Variants in EHBP1 observed in about 807,000 individuals in gnomAD.
The protein encoded by EHBP1 is EH domain binding protein 1.
EHBP1 carries 55 observed loss-of-function variants against 144.0 expected under a neutral mutation model. The ratio of observed to expected loss-of-function variants is 0.38; its 90% CI spans 0.31 to 0.48. EHBP1 has a LOEUF of 0.48. EHBP1 is among the 20% of genes least tolerant of loss of function. The pLI is 0.98. For synonymous variants in EHBP1, 469 were observed against 472.7 expected (o/e 0.99, Z 0.10); for missense variants, 1,200 against 1,364.2 (o/e 0.88, Z 1.90).
chr2:62,965,465 C>G (rs2153152913), intron 14 of EHBP1, among the ~76,000 whole-genome samples: 1 of 152,160 alleles, frequency 6.6e-6, no homozygotes, highest in South Asian at 2.1e-4. Flanking sequence ...TGTGGCTTTC[C>G]TTTTTGTCAC....
intron 7 of EHBP1, among the ~76,000 whole-genome samples, chr2:62,850,037 T>C (rs1041403503): frequency 1.3e-5 from 2 of 152,088 alleles, no homozygotes; most frequent in East Asian, 3.9e-4. Flanking sequence ...GAAGAGTAAT[T>C]ATTATTAAAA....
intron 9 of EHBP1, among the ~76,000 whole-genome samples, chr2:62,866,798 T>C (rs2050079484): frequency 6.6e-6 from 1 of 152,090 alleles, no homozygotes; most frequent in South Asian, 2.1e-4. Flanking sequence ...ACAGAAAAAG[T>C]ATTTGAAGAA....
chr2:63,010,676 A>C (rs2060227115), intron 19 of EHBP1, among the ~76,000 whole-genome samples: 1 of 151,748 alleles, frequency 6.6e-6, no homozygotes, highest in Non-Finnish European at 1.5e-5. Context: ...TTGTGAAAAT[A>C]GAGTAAGTTT....
chr2:63,034,493 G>T (rs1574563976), intron 19 of EHBP1, among the ~76,000 whole-genome samples: 1 of 152,094 alleles, frequency 6.6e-6, no homozygotes, highest in Non-Finnish European at 1.5e-5. Flanking sequence ...AACGATTTAT[G>T]GCCATTTTAT....
Position 63,026,090 on chromosome 2 carries a change from A to G in EHBP1, c.3104-11445A>G, listed in dbSNP as rs191950908. The stretch of plus-strand genomic sequence containing the variant: ...ATGAATACATAAAGACATTAGAAAT[A>G]TACTCAATGAAACTAACAACTTCAG... On this transcript the variant is annotated intron_variant, in intron 19 of 22. Coordinates refer to ENST00000431489, the MANE Select transcript of EHBP1 (RefSeq NM_001142616.3). Among the ~76,000 whole-genome samples the G allele has an allele frequency of 3.3e-5, 5 of 152,340 alleles. No individual in the cohort carries two copies. The East Asian group carries it at 9.6e-4, about 29-fold the overall frequency.
At chr2:62,918,845 G>A (rs970060331) in intron 10 of EHBP1, among the ~76,000 whole-genome samples, 3 of 152,082 alleles carry the variant, frequency 2.0e-5, no homozygotes, top group African/African-American at 4.8e-5. Flanking sequence ...AGAAAATAAC[G>A]GGGTAGCAAG....
At chr2:62,830,153 G>GAC (rs368948717) in intron 6 of EHBP1, among the ~76,000 whole-genome samples, 11,937 of 131,928 alleles carry the variant, frequency 0.09, 646 homozygotes, top group East Asian at 0.17. Context: ...TATATATATA[G>GAC]ACACACACAC....
intron 13 of EHBP1, among the ~76,000 whole-genome samples, chr2:62,954,084 A>G (rs2057555225): frequency 6.6e-6 from 1 of 152,166 alleles, no homozygotes; most frequent in Non-Finnish European, 1.5e-5. Flanking sequence ...GTCTATTTCT[A>G]TCCTTATTTT....
intron 18 of EHBP1, among the ~76,000 whole-genome samples, chr2:62,995,535 A>G (rs17474188): frequency 0.014 from 2,128 of 152,198 alleles, 31 homozygotes; most frequent in Non-Finnish European, 0.02. Flanking sequence ...ATAATTCTTT[A>G]TAGCTTCTAA....
chr2:62,978,404 T>C (rs1198809844), intron 14 of EHBP1, among the ~76,000 whole-genome samples: 1 of 152,104 alleles, frequency 6.6e-6, no homozygotes, highest in Non-Finnish European at 1.5e-5. Context: ...GGTTTCACCA[T>C]GTTGGCCAGG....
chr2:63,009,989 TC>T (rs1479692198), intron 19 of EHBP1, among the ~76,000 whole-genome samples: 5 of 151,214 alleles, frequency 3.3e-5, no homozygotes, highest in African/African-American at 1.2e-4. Context: ...TATGTTCCCC[TC>T]CCCCCAAAAT....
At position 62,964,522 on chromosome 2, in the gene EHBP1, G is replaced by T. The variant is rs114473951; in HGVS notation, c.2460+8862G>T. ...TTCTTATCATATTCTGCTTTCCCAA[G>T]GATATATGCCTTGAACGAAAAGTCA... On this transcript the variant is annotated intron_variant, in intron 14 of 22. Transcript: ENST00000431489. Among the ~76,000 whole-genome samples the T allele has an allele frequency of 8.1e-4, 123 of 152,188 alleles. 1 individual carries two copies. Among genetic ancestry groups the T allele is most frequent in the African/African-American group, 2.8e-3 (117 of 41,526 alleles).
intron 5 of EHBP1, among the ~76,000 whole-genome samples, chr2:62,809,256 A>AC (rs1414198126): frequency 1.4e-5 from 2 of 143,694 alleles, no homozygotes; most frequent in Non-Finnish European, 3.0e-5. Context: ...GCGCCATTGC[A>AC]CTCCAGCCTG....
chr2:62,864,935 C>G lies in EHBP1; in HGVS notation c.962C>G (p.Ala321Gly). The change falls in exon 9 of 23, where the codon GCT becomes GGT. Residue 321 changes from alanine (A) to glycine (G), a missense_variant. Ala to Gly is a moderately conservative substitution (Grantham distance 60). Coordinates refer to ENST00000431489, the MANE Select transcript of EHBP1 (RefSeq NM_001142616.3). ...RPVDMSKYLY[A>G]DSSKTEEEEL... ...GTGGATATGAGCAAGTACCTCTATGCTGATAGTTCTAAAACTGAAGAAGAA... is the reference window on the plus strand; with the variant it reads ...GTGGATATGAGCAAGTACCTCTATGGTGATAGTTCTAAAACTGAAGAAGAA... 6.2e-7 allele frequency: 1 copy of G among 1,613,604 alleles called. No homozygotes were observed. The highest frequency in any genetic ancestry group is 8.5e-7 in the Non-Finnish European group (1 of 1,179,866).
chr2:63,021,265 G>C (rs1405979782), intron 19 of EHBP1, among the ~76,000 whole-genome samples: 1 of 151,862 alleles, frequency 6.6e-6, no homozygotes, highest in African/African-American at 2.4e-5. Context: ...CCCCAGAAAA[G>C]CCAAAAGTAC....
In EHBP1 at chr2:62,993,537, CAGA is replaced by C; in HGVS notation, c.2745_2747del (p.Glu915del). 1 of 1,584,878 alleles carries C rather than the reference CAGA, an allele frequency of 6.3e-7. No homozygotes were observed. On this transcript the variant is annotated inframe_deletion, in exon 17 of 23. Transcript: ENST00000431489. ...GTGTTGTTTTACGTTTAGAGTGGCACAGAAGATCTCCGGACTGAACGATTACAA... is the reference window on the plus strand; with the variant it reads ...GTGTTGTTTTACGTTTAGAGTGGCACAGATCTCCGGACTGAACGATTACAA...
intron 19 of EHBP1, among the ~76,000 whole-genome samples, chr2:63,026,294 TTGTGTGTGTGTGTGTGTGTGTG>T (rs60109170): frequency 2.3e-5 from 3 of 129,100 alleles, no homozygotes; most frequent in Admixed American, 1.6e-4. Context: ...GCTCTCTACC[TTGTGTGTGTGTGTGTGTGTGTG>T]TGTGTGTGTG....
At position 62,723,182 on chromosome 2, in the gene EHBP1, A is replaced by G. The variant is rs1314120006; in HGVS notation, c.104+15887A>G. On this transcript the variant is annotated intron_variant, in intron 2 of 22. Transcript: ENST00000431489. ...ATTGGGGTGCTCCTGTCTTGGATGC[A>G]CACATATTTAGGATAATCAGGTCTT... Among the ~76,000 whole-genome samples the G allele has an allele frequency of 2.0e-5, 3 of 152,220 alleles. No homozygotes were observed. In the East Asian group the frequency reaches 5.8e-4, roughly 29 times the overall value.
Position 62,811,931 on chromosome 2 carries a change from A to T in EHBP1, c.313-14156A>T, listed in dbSNP as rs571120024. On this transcript the variant is annotated intron_variant, in intron 5 of 22. Coordinates refer to ENST00000431489, the MANE Select transcript of EHBP1 (RefSeq NM_001142616.3). Reference sequence around the variant, plus strand: ...ATCCCCCAAAGTTCTTGTGTTGGAAATGTAATCCCCAATGCAACAGTGTTG... The same window carrying T: ...ATCCCCCAAAGTTCTTGTGTTGGAATTGTAATCCCCAATGCAACAGTGTTG... Among the ~76,000 whole-genome samples the T allele has an allele frequency of 1.4e-4, 22 of 152,316 alleles. No individual in the cohort carries two copies. The South Asian group carries it at 4.4e-3, about 30-fold the overall frequency.
Sources: allele counts gnomAD v4.1 joint callset (sites outside exome capture counted in the v4.1 genomes callset), GRCh38; gene constraint gnomAD v4.1.1; transcripts MANE v1.5; gene names NCBI Gene and HGNC (gene_info 2026-07-23, HGNC 2026-07-21).